Variants in LMBR1 observed in about 807,000 individuals in gnomAD.
LMBR1 encodes the protein limb region 1 protein homolog.
LMBR1 carries 52 observed loss-of-function variants against 73.9 expected under a neutral mutation model. That is an observed-to-expected ratio of 0.70 (90% CI 0.56 to 0.89). The LOEUF is 0.89. LMBR1 is among the 40% of genes least tolerant of loss of function. The pLI is 0.00. For synonymous variants in LMBR1, 215 were observed against 209.4 expected, an observed-to-expected ratio of 1.03 and a Z score of -0.23; for missense variants, 539 against 579.8, an observed-to-expected ratio of 0.93 and a Z score of 0.72.
chr7:156,792,491 T>C (rs971334226), intron 5 of LMBR1, among the ~76,000 whole-genome samples: 1 of 152,118 alleles, frequency 6.6e-6, no homozygotes, highest in African/African-American at 2.4e-5. Flanking sequence ...AAAAAAAAAC[T>C]TTTACTTTAT....
At chr7:156,740,346 A>T (rs1279426121) in intron 9 of LMBR1, among the ~76,000 whole-genome samples, 1 of 152,222 alleles carries the variant, frequency 6.6e-6, no homozygotes, top group Non-Finnish European at 1.5e-5. Flanking sequence ...CAAAGGGAGA[A>T]TATTAGAGAA....
At chr7:156,673,329 G>A (rs893609307), downstream of LMBR1, among the ~76,000 whole-genome samples, 3 of 152,090 alleles carry the variant, frequency 2.0e-5, no homozygotes, top group African/African-American at 4.8e-5. Flanking sequence ...ATCAATTGGA[G>A]GTAACTGTGT....
intron 4 of LMBR1, among the ~76,000 whole-genome samples, chr7:156,820,757 G>A (rs555095064): frequency 1.3e-5 from 2 of 152,220 alleles, no homozygotes; most frequent in South Asian, 2.1e-4. Flanking sequence ...TTTACTGAGC[G>A]GCCTGAAAAG....
At chr7:156,761,988 A>AAAAAAAAAAAAAC (rs1823128175) in intron 8 of LMBR1, 146 bp downstream of exon 8, 2 of 584,792 alleles carry the variant, frequency 3.4e-6, no homozygotes, top group African/African-American at 3.8e-5. Flanking sequence ...AAAAAAAAAA[A>AAAAAAAAAAAAAC]AAAACTTAAT....
intron 5 of LMBR1, among the ~76,000 whole-genome samples, chr7:156,777,110 T>G (rs944093836): frequency 6.6e-6 from 1 of 152,150 alleles, no homozygotes; most frequent in African/African-American, 2.4e-5. Flanking sequence ...ATTATCTCTG[T>G]ATTTTTAGTA....
chr7:156,800,482 C>CAAAGAAAAAAA (rs1830758761), intron 4 of LMBR1, among the ~76,000 whole-genome samples: 1 of 81,034 alleles, frequency 1.2e-5, no homozygotes. Context: ...ACTTGCTACT[C>CAAAGAAAAAAA]AAAAAAAAAA....
Position 156,685,769 on chromosome 7 carries a change from GA to G in LMBR1, c.1388-1607del, listed in dbSNP as rs1805878813. ...GCAGCACTTCCACAGGGCAGATGTT[GA>G]GAAAATACTTTTCACGAAGCTCAGA... is the stretch of plus-strand genomic sequence containing the variant. On this transcript the variant is annotated intron_variant, in intron 16 of 16. Coordinates refer to ENST00000353442, the MANE Select transcript of LMBR1 (RefSeq NM_022458.4). The surrounding 1 kb of genome is among the most constrained non-coding windows in gnomAD (Gnocchi z 4.1). Among the ~76,000 whole-genome samples, 1 of 152,318 alleles carries G rather than the reference GA, an allele frequency of 6.6e-6. No individual in the cohort carries two copies. Among genetic ancestry groups the G allele is most frequent in the Admixed American group, 6.5e-5 (1 of 15,300 alleles).
chr7:156,673,059 T>A (rs971127279), downstream of LMBR1, among the ~76,000 whole-genome samples: 1 of 152,252 alleles, frequency 6.6e-6, no homozygotes, highest in Non-Finnish European at 1.5e-5. Flanking sequence ...CTGCGGGGTC[T>A]GGGCCCCACC....
At position 156,680,664 on chromosome 7, in the gene LMBR1, G is replaced by A. The variant is rs1481737418; in HGVS notation, c.*3414C>T. On this transcript the variant is annotated 3_prime_UTR_variant, in exon 17 of 17. Coordinates refer to ENST00000353442, the MANE Select transcript of LMBR1 (RefSeq NM_022458.4). Reference sequence around the variant, plus strand: ...TATCAATTATTGATGCTACATTGTGGGTTATAAGAAATTGATCTACCAATA... The same window carrying A: ...TATCAATTATTGATGCTACATTGTGAGTTATAAGAAATTGATCTACCAATA... The A allele has an allele frequency of 1.3e-5, 2 of 153,926 alleles. No homozygotes were observed. The highest frequency in any genetic ancestry group is 4.8e-5 in the African/African-American group (2 of 41,406). The allele number at this position is 153,926 out of a possible 1,614,324, so 9.5% of individuals were successfully genotyped here. A position where few individuals can be genotyped will look rare whatever the true frequency, so the allele number is the denominator to read the frequency against.
chr7:156,717,627 C>G (rs1323411038), intron 15 of LMBR1, among the ~76,000 whole-genome samples: 1 of 152,072 alleles, frequency 6.6e-6, no homozygotes, highest in Non-Finnish European at 1.5e-5. Context: ...AAGTCACTGG[C>G]AAACATTTAA....
At chr7:156,801,090 G>A (rs779071145) in intron 4 of LMBR1, among the ~76,000 whole-genome samples, 17 of 152,330 alleles carry the variant, frequency 1.1e-4, no homozygotes, top group Middle Eastern at 3.4e-3. Flanking sequence ...TAAAACAGAG[G>A]CAGGGTTTGA....
chr7:156,765,365 G>A (rs150779239), intron 5 of LMBR1, among the ~76,000 whole-genome samples: 11 of 152,152 alleles, frequency 7.2e-5, no homozygotes, highest in African/African-American at 1.9e-4. Context: ...CATGTCCCCC[G>A]CTGGCACTCA....
chr7:156,773,498 T>C (rs903952183), intron 5 of LMBR1, among the ~76,000 whole-genome samples: 12 of 151,946 alleles, frequency 7.9e-5, no homozygotes, highest in Non-Finnish European at 1.0e-4. Context: ...AACAGACACA[T>C]AGATCAATGG....
chr7:156,848,266 A>G (rs1249506515), intron 1 of LMBR1, among the ~76,000 whole-genome samples: 1 of 152,200 alleles, frequency 6.6e-6, no homozygotes, highest in Non-Finnish European at 1.5e-5. Context: ...CTGTACAACT[A>G]AAGAAATATC....
chr7:156,763,223 C>T (rs748286974), intron 6 of LMBR1, 47 bp from the exon 7 acceptor site: 2 of 768,666 alleles, frequency 2.6e-6, no homozygotes, highest in Non-Finnish European at 2.1e-6. Flanking sequence ...AAATACTGCA[C>T]ATTAAGATAG....
At chr7:156,803,813 A>G (rs1470308446) in intron 4 of LMBR1, among the ~76,000 whole-genome samples, 2 of 152,042 alleles carry the variant, frequency 1.3e-5, no homozygotes, top group Non-Finnish European at 2.9e-5. Context: ...CTATGCAGCC[A>G]TAAAAAAGGA....
intron 14 of LMBR1, 70 bp downstream of exon 14, chr7:156,725,365 G>T: frequency 2.3e-6 from 2 of 859,746 alleles, no homozygotes; most frequent in South Asian, 1.7e-5. Context: ...CATTCAGAAT[G>T]ACTATTAAAT....
chr7:156,673,239 G>C (rs1044516017), downstream of LMBR1, among the ~76,000 whole-genome samples: 1 of 152,184 alleles, frequency 6.6e-6, no homozygotes, highest in African/African-American at 2.4e-5. Flanking sequence ...TTTGAAGGAA[G>C]AAAAGATCTT....
intron 5 of LMBR1, among the ~76,000 whole-genome samples, chr7:156,795,719 A>G (rs1829962169): frequency 6.6e-6 from 1 of 151,938 alleles, no homozygotes; most frequent in South Asian, 2.1e-4. Flanking sequence ...CACCCAGTTA[A>G]TTTTTTTATT....
Sources: allele counts gnomAD v4.1 joint callset (sites outside exome capture counted in the v4.1 genomes callset), GRCh38; gene constraint gnomAD v4.1.1; non-coding constraint Gnocchi (gnomAD v3.1); transcripts MANE v1.5; gene names NCBI Gene and HGNC (gene_info 2026-07-23, HGNC 2026-07-21).